Variants in NUP133 observed in about 807,000 individuals in gnomAD.
NUP133 encodes nucleoporin 133, also known as nuclear pore complex protein Nup133.
NUP133 carries 66 observed loss-of-function variants against 146.2 expected under a neutral mutation model. The ratio of observed to expected loss-of-function variants is 0.45; its 90% CI spans 0.37 to 0.55. The LOEUF (loss-of-function observed/expected upper bound fraction) is 0.55. Ranked by LOEUF, NUP133 falls within the 20% of genes least tolerant of loss-of-function variation. The pLI is 0.00. For missense variants in NUP133, 1,277 were observed against 1,374.8 expected (o/e 0.93, Z 1.12); for synonymous variants, 521 against 498.8 (o/e 1.04, Z -0.59).
Position 229,500,819 on chromosome 1 carries a change from G to C in NUP133, c.450C>G (p.His150Gln). 6.2e-7 allele frequency: 1 copy of C among 1,613,086 alleles called. No homozygotes were observed. The highest frequency in any genetic ancestry group is 8.5e-7 in the Non-Finnish European group (1 of 1,179,350). ...AAAGAGCCACTAAGTCGGCACTCCA[G>C]TGGAAATCACTAGGTGGCAGCTGAA... is the stretch of plus-strand genomic sequence containing the variant. ...KELQLPPSDF[H>Q]WSADLVALSY... Residue 150 changes from histidine (H) to glutamine (Q), a missense_variant, in exon 4 of 26, where the codon CAC becomes CAG. Physicochemically the swap from His to Gln is conservative, Grantham distance 24 (BLOSUM62 0). This residue lies in a region of NUP133 where 319 missense variants were observed against 306.9 expected (regional missense o/e 1.04). Transcript: ENST00000261396.
At position 229,441,890 on chromosome 1, in the gene NUP133, AT is replaced by A; in HGVS notation, c.*13del. ...TATACAGATTTCATAAACAATGGCC[AT>A]TTTTAGAAAAAGTTATATTTGTCCC... On this transcript the variant is annotated 3_prime_UTR_variant, in exon 26 of 26. Transcript: ENST00000261396. 6.4e-7 allele frequency: 1 copy of A among 1,554,270 alleles called. No individual in the cohort carries two copies. The highest frequency in any genetic ancestry group is 8.6e-7 in the Non-Finnish European group (1 of 1,156,764).
Position 229,506,133 on chromosome 1 carries a change from G to A in NUP133, c.208C>T (p.His70Tyr). Residue 70 changes from histidine (H) to tyrosine (Y), a missense_variant, in exon 2 of 26, where the codon CAC becomes TAC. By Grantham distance (83) the His-to-Tyr change is moderately conservative. Around this residue, in one of 3 missense-constraint regions of NUP133, gnomAD observed 319 missense variants for 306.9 expected, o/e 1.04. Transcript: ENST00000261396. ...SRGTPTRMFP[H>Y]HSITESVNYD... The stretch of plus-strand genomic sequence containing the variant: ...TTCACAGACTCAGTTATGGAGTGGT[G>A]TGGGAACATTCGTGTTGGTGTTCCC... 1 of 1,611,446 alleles carries A rather than the reference G, an allele frequency of 6.2e-7. No individual in the cohort carries two copies.
intron 11 of NUP133, among the ~76,000 whole-genome samples, chr1:229,485,117 A>G (rs1282356254): frequency 6.6e-6 from 1 of 152,188 alleles, no homozygotes; most frequent in Non-Finnish European, 1.5e-5. Flanking sequence ...TAAAATTGGT[A>G]ATTTTTACCT....
At chr1:229,460,534 T>C in intron 20 of NUP133, 77 bp downstream of exon 20, 1 of 1,425,378 alleles carries the variant, frequency 7.0e-7, no homozygotes, top group Non-Finnish European at 9.6e-7. Context: ...AACAGTATTT[T>C]AATTACTAAA....
intron 8 of NUP133, among the ~76,000 whole-genome samples, chr1:229,493,209 T>C (rs1348031830): frequency 6.6e-6 from 1 of 152,212 alleles, no homozygotes; most frequent in African/African-American, 2.4e-5. Context: ...AAAAGGTCTT[T>C]CTCTGTTGCC....
At chr1:229,443,425 G>A (rs1244426096) in intron 25 of NUP133, among the ~76,000 whole-genome samples, 1 of 152,096 alleles carries the variant, frequency 6.6e-6, no homozygotes, top group East Asian at 1.9e-4. Flanking sequence ...AATGAGACAT[G>A]CATTTTGTTC....
intron 8 of NUP133, among the ~76,000 whole-genome samples, chr1:229,493,285 C>G (rs530437825): frequency 1.3e-5 from 2 of 152,292 alleles, no homozygotes; most frequent in East Asian, 3.9e-4. Context: ...TCAAGTGATC[C>G]TCTCGCCTCA....
At chr1:229,456,812 T>C (rs554812907) in intron 21 of NUP133, among the ~76,000 whole-genome samples, 15 of 151,744 alleles carry the variant, frequency 9.9e-5, no homozygotes, top group African/African-American at 3.6e-4. Context: ...TCTATCTACA[T>C]ATATATAGAG....
chr1:229,449,021 A>C, intron 24 of NUP133, 105 bp downstream of exon 24: 1 of 863,956 alleles, frequency 1.2e-6, no homozygotes. Flanking sequence ...GGGAAATCCC[A>C]ACACGTCTGG....
intron 5 of NUP133, 147 bp downstream of exon 5, chr1:229,499,537 G>T: frequency 1.3e-6 from 1 of 783,436 alleles, no homozygotes; most frequent in Non-Finnish European, 2.0e-6. Flanking sequence ...GGAAGCCAAA[G>T]CAGGAGTTAT....
rs1449368210 is a variant in NUP133, at chr1:229,466,076, C to G, written c.2200-557G>C. On this transcript the variant is annotated intron_variant, in intron 16 of 25. Transcript: ENST00000261396. ...TAGGAAAATCATTACTACAAGTCCA[C>G]TAGCTAAAATTAAATGGAACGTTTT... Among the ~76,000 whole-genome samples, 3 of 152,040 alleles carry G rather than the reference C, an allele frequency of 2.0e-5. No individual in the cohort carries two copies. In the East Asian group the frequency reaches 5.8e-4, roughly 29 times the overall value.
At chr1:229,445,847 A>C (rs1660289600) in intron 24 of NUP133, among the ~76,000 whole-genome samples, 1 of 152,218 alleles carries the variant, frequency 6.6e-6, no homozygotes, top group African/African-American at 2.4e-5. Flanking sequence ...TAAACTTAAC[A>C]GCAATTTTAA....
chr1:229,455,268 A>G (rs1229602024), intron 21 of NUP133, among the ~76,000 whole-genome samples: 1 of 152,230 alleles, frequency 6.6e-6, no homozygotes, highest in African/African-American at 2.4e-5. Flanking sequence ...TTTATTTTGA[A>G]AAATTCCAGG....
chr1:229,467,003 C>T (rs1307766632), intron 15 of NUP133, among the ~76,000 whole-genome samples: 7 of 126,406 alleles, frequency 5.5e-5, no homozygotes, highest in African/African-American at 2.1e-4. Flanking sequence ...GATTTTTAAG[C>T]GATGATATTT....
At chr1:229,446,319 G>C (rs1157474783) in intron 24 of NUP133, among the ~76,000 whole-genome samples, 1 of 152,144 alleles carries the variant, frequency 6.6e-6, no homozygotes, top group Non-Finnish European at 1.5e-5. Context: ...TGAGGTAGGA[G>C]AATCGCTTGA....
In NUP133 at chr1:229,442,022, T is replaced by G; in HGVS notation, c.3353A>C (p.Tyr1118Ser). Reference protein sequence around the residue: ...LLKDGIQLSEYLPEVKDLLQA... With the variant: ...LLKDGIQLSESLPEVKDLLQA... The stretch of plus-strand genomic sequence containing the variant: ...TAGCAGGTCTTTCACCTCCGGTAAG[T>G]ACTCACTGAGCTGAATGCCTATAAA... Residue 1118 changes from tyrosine to serine, a missense_variant, in exon 26 of 26, where the codon TAC becomes TCC. Around this residue, in one of 3 missense-constraint regions of NUP133, gnomAD observed 952 missense variants for 1,047.0 expected, o/e 0.91. Transcript: ENST00000261396. 1 of 1,573,066 alleles carries G rather than the reference T, an allele frequency of 6.4e-7. No individual in the cohort carries two copies. Among genetic ancestry groups the G allele is most frequent in the Non-Finnish European group, 8.6e-7 (1 of 1,167,408 alleles).
chr1:229,503,170 CG>C (rs1661848941), intron 2 of NUP133, among the ~76,000 whole-genome samples: 1 of 151,696 alleles, frequency 6.6e-6, no homozygotes, highest in South Asian at 2.1e-4. Flanking sequence ...CCTAGCTACT[CG>C]GGAGGCTGAG....
chr1:229,458,433 A>C, intron 20 of NUP133, 137 bp from the exon 21 acceptor site: 1 of 704,818 alleles, frequency 1.4e-6, no homozygotes, highest in Non-Finnish European at 2.3e-6. Flanking sequence ...CAAACCTAAA[A>C]ACTGAGCAGT....
chr1:229,505,325 T>C (rs76966523), intron 2 of NUP133, among the ~76,000 whole-genome samples: 5,304 of 152,174 alleles, frequency 0.035, 260 homozygotes, highest in African/African-American at 0.11. Context: ...TGTTCATCTT[T>C]ACTGTTCCTA....
Sources: gnomAD v4.1 joint callset for allele counts (sites outside exome capture counted in the v4.1 genomes callset) on GRCh38, gnomAD v4.1.1 for gene constraint, gnomAD v4.1.1 regional missense constraint, MANE v1.5 for transcripts, NCBI Gene and HGNC (gene_info 2026-07-23, HGNC 2026-07-21) for gene names.